The following REDIC1 variants were observed in gnomAD, a reference collection of about 807,000 sequenced individuals.
The protein encoded by REDIC1 is HEI10 Interacting Protein 1.
At chr12:39,788,199 C>T in the REDIC1 span, among the ~76,000 whole-genome samples, 1 of 152,070 alleles carries the variant, frequency 6.6e-6, no homozygotes, top group Non-Finnish European at 1.5e-5. Flanking sequence ...GTGTCATTTT[C>T]CTACATTTAT....
At chr12:39,852,752 A>G in the REDIC1 span, among the ~76,000 whole-genome samples, 76 of 152,280 alleles carry the variant, frequency 5.0e-4, no homozygotes, top group East Asian at 9.5e-3. Flanking sequence ...GAAAAATGGA[A>G]AGTACCTCTG....
chr12:39,789,009 C>T, the REDIC1 span, among the ~76,000 whole-genome samples: 11 of 152,064 alleles, frequency 7.2e-5, no homozygotes, highest in Non-Finnish European at 1.3e-4. Flanking sequence ...TTTGTTTTAA[C>T]TTATTAAAGT....
the REDIC1 span, among the ~76,000 whole-genome samples, chr12:39,855,890 C>T: frequency 6.6e-6 from 1 of 152,148 alleles, no homozygotes; most frequent in Admixed American, 6.6e-5. Context: ...TAGGAAAACA[C>T]TATCTTATTA....
At chr12:39,853,454 C>T in the REDIC1 span, among the ~76,000 whole-genome samples, 1 of 152,026 alleles carries the variant, frequency 6.6e-6, no homozygotes, top group Non-Finnish European at 1.5e-5. Flanking sequence ...AAGGGAATTG[C>T]TCCTAATTGT....
chr12:39,839,210 G>A, the REDIC1 span, among the ~76,000 whole-genome samples: 113 of 152,136 alleles, frequency 7.4e-4, 1 homozygote, highest in African/African-American at 2.6e-3. Context: ...TCGGGACAGC[G>A]ACTCCATGCC....
the REDIC1 span, among the ~76,000 whole-genome samples, chr12:39,785,121 C>T: frequency 6.6e-6 from 1 of 152,292 alleles, no homozygotes; most frequent in African/African-American, 2.4e-5. Context: ...TGTGAATCCC[C>T]AAGACCATGG....
the REDIC1 span, among the ~76,000 whole-genome samples, chr12:39,801,339 TAAAAAAAA>T: frequency 1.6e-5 from 2 of 126,864 alleles, no homozygotes; most frequent in South Asian, 2.4e-4. Flanking sequence ...ATGAGGAAAT[TAAAAAAAA>T]AAAAAAAAAA....
chr12:39,657,540 C>T, the REDIC1 span, among the ~76,000 whole-genome samples: 1 of 152,124 alleles, frequency 6.6e-6, no homozygotes. Flanking sequence ...ATTTTTATTA[C>T]AGTTTTAAGT....
chr12:39,679,146 G>A, the REDIC1 span, among the ~76,000 whole-genome samples: 1 of 152,104 alleles, frequency 6.6e-6, no homozygotes, highest in African/African-American at 2.4e-5. Context: ...AGTACTGGAA[G>A]TCCTAGCCAG....
chr12:39,897,989 TAA>T, the REDIC1 span, among the ~76,000 whole-genome samples: 4 of 152,230 alleles, frequency 2.6e-5, no homozygotes, highest in South Asian at 2.1e-4. Context: ...AATAAACACT[TAA>T]GAGATGTTAT....
the REDIC1 span, among the ~76,000 whole-genome samples, chr12:39,809,143 C>T: frequency 1.3e-5 from 2 of 152,124 alleles, no homozygotes; most frequent in Non-Finnish European, 2.9e-5. Context: ...AGATAGCCAA[C>T]TGTATTAGGA....
At chr12:39,710,873 G>A in the REDIC1 span, among the ~76,000 whole-genome samples, 1 of 151,110 alleles carries the variant, frequency 6.6e-6, no homozygotes, top group Non-Finnish European at 1.5e-5. Context: ...TACTCAATAA[G>A]TGTTTTTTTT....
the REDIC1 span, among the ~76,000 whole-genome samples, chr12:39,854,212 G>C: frequency 6.6e-6 from 1 of 151,982 alleles, no homozygotes; most frequent in Non-Finnish European, 1.5e-5. Context: ...TAATCCGTCT[G>C]ATCCTTAGTT....
the REDIC1 span, among the ~76,000 whole-genome samples, chr12:39,881,021 TCCCAA>T: frequency 6.6e-6 from 1 of 152,218 alleles, no homozygotes; most frequent in African/African-American, 2.4e-5. Flanking sequence ...ATGTGATTGT[TCCCAA>T]ACCTGTTTAT....
At chr12:39,670,070 C>T in the REDIC1 span, among the ~76,000 whole-genome samples, 168 of 152,212 alleles carry the variant, frequency 1.1e-3, 2 homozygotes, top group African/African-American at 3.3e-3. Context: ...ATGCACTTTC[C>T]GACACTCCCC....
the REDIC1 span, among the ~76,000 whole-genome samples, chr12:39,827,563 C>A: frequency 3.3e-5 from 5 of 152,146 alleles, no homozygotes; most frequent in Non-Finnish European, 7.4e-5. Flanking sequence ...CTTTCAAGTT[C>A]TGCTGTGCAT....
chr12:39,653,545 C>CTTCTTCTTT, the REDIC1 span, among the ~76,000 whole-genome samples: 1 of 132,742 alleles, frequency 7.5e-6, no homozygotes. Context: ...TCTTTTTCTT[C>CTTCTTCTTT]TTCTTCTTCT....
chr12:39,812,996 ATT>A, the REDIC1 span, among the ~76,000 whole-genome samples: 207 of 40,580 alleles, frequency 5.1e-3, no homozygotes, highest in Non-Finnish European at 6.9e-3. Context: ...TGCCCAGCTA[ATT>A]TTTTTTTTTT....
chr12:39,713,384 ATG>A, the REDIC1 span, among the ~76,000 whole-genome samples: 22 of 145,972 alleles, frequency 1.5e-4, no homozygotes, highest in South Asian at 6.4e-4. Flanking sequence ...ATACATATGT[ATG>A]TGTGTAGACA....
Sources: gnomAD v4.1 joint callset for allele counts (sites outside exome capture counted in the v4.1 genomes callset) on GRCh38, gnomAD v4.1.1 for gene constraint, MANE v1.5 for transcripts, NCBI Gene and HGNC (gene_info 2026-07-23, HGNC 2026-07-21) for gene names.